PRKCA: variants seen among roughly 807,000 people sequenced by gnomAD.
PRKCA encodes the protein protein kinase C alpha.
Under a neutral mutation model 87.0 loss-of-function variants are expected in PRKCA, and 27 were observed. The ratio of observed to expected loss-of-function variants is 0.31; its 90% confidence interval spans 0.23 to 0.43. The LOEUF (loss-of-function observed/expected upper bound fraction) is 0.43, where lower values mean the gene tolerates loss of function less well. PRKCA is among the 20% of genes least tolerant of loss of function. PRKCA has a pLI of 1.00. For missense variants in PRKCA, 518 were observed against 852.3 expected, an observed-to-expected ratio of 0.61 and a Z score of 4.88; for synonymous variants, 329 against 311.1, an observed-to-expected ratio of 1.06 and a Z score of -0.61.
chr17:66,510,931 G>C (rs1917198757), intron 3 of PRKCA, among the ~76,000 whole-genome samples: 1 of 152,026 alleles, frequency 6.6e-6, no homozygotes, highest in Admixed American at 6.6e-5. Flanking sequence ...GTTTTTTGTA[G>C]AGACGGGATT....
At chr17:66,345,394 G>T (rs1338899519) in intron 2 of PRKCA, among the ~76,000 whole-genome samples, 3 of 152,094 alleles carry the variant, frequency 2.0e-5, no homozygotes, top group Non-Finnish European at 4.4e-5. Context: ...GTTTCCTCTG[G>T]AATCTTGCTT....
intron 16 of PRKCA, 78 bp downstream of exon 16, chr17:66,789,057 G>C: frequency 6.8e-7 from 1 of 1,481,076 alleles, no homozygotes; most frequent in Non-Finnish European, 9.0e-7. Flanking sequence ...CTCTTTTCTT[G>C]GAGAGAGGAG....
chr17:66,781,890 G>T (rs1214978796), intron 14 of PRKCA, among the ~76,000 whole-genome samples: 1 of 107,096 alleles, frequency 9.3e-6, no homozygotes, highest in Non-Finnish European at 1.8e-5. Context: ...TATATATAGT[G>T]TGTGTGTGTG....
intron 2 of PRKCA, among the ~76,000 whole-genome samples, chr17:66,426,104 T>G (rs1912789076): frequency 6.6e-6 from 1 of 152,016 alleles, no homozygotes; most frequent in South Asian, 2.1e-4. Context: ...ATGAGAAAAG[T>G]GTCATTATTT....
intron 2 of PRKCA, among the ~76,000 whole-genome samples, chr17:66,469,650 C>T (rs1396249653): frequency 1.3e-5 from 2 of 152,222 alleles, no homozygotes; most frequent in African/African-American, 4.8e-5. Flanking sequence ...TCCTCCCTAG[C>T]ACATTGCCTA....
chr17:66,437,257 T>G (rs1351137344), intron 2 of PRKCA, among the ~76,000 whole-genome samples: 3 of 152,094 alleles, frequency 2.0e-5, no homozygotes, highest in Non-Finnish European at 4.4e-5. Flanking sequence ...TGGGCAGATG[T>G]GTGCAGTGGT....
chr17:66,426,578 T>C (rs1336149248), intron 2 of PRKCA, among the ~76,000 whole-genome samples: 3 of 151,694 alleles, frequency 2.0e-5, no homozygotes, highest in Non-Finnish European at 4.4e-5. Context: ...CTGGCACCAG[T>C]ACTATCTACA....
chr17:66,327,165 G>C (rs1906028478), intron 2 of PRKCA, among the ~76,000 whole-genome samples: 2 of 151,970 alleles, frequency 1.3e-5, no homozygotes, highest in Non-Finnish European at 2.9e-5. Context: ...GGTCAGGAGA[G>C]ACCATCCTGG....
intron 13 of PRKCA, among the ~76,000 whole-genome samples, chr17:66,753,308 G>A (rs1200284822): frequency 6.6e-6 from 1 of 152,200 alleles, no homozygotes; most frequent in Non-Finnish European, 1.5e-5. Flanking sequence ...TCCCTTCCAG[G>A]GCCTCTTGCC....
At chr17:66,384,719 C>T (rs1011443475) in intron 2 of PRKCA, among the ~76,000 whole-genome samples, 1 of 152,104 alleles carries the variant, frequency 6.6e-6, no homozygotes, top group Non-Finnish European at 1.5e-5. Context: ...AGCTCCACCT[C>T]CCGTGTTTAT....
intron 2 of PRKCA, among the ~76,000 whole-genome samples, chr17:66,333,679 C>G (rs1341007029): frequency 6.6e-6 from 1 of 152,036 alleles, no homozygotes; most frequent in Non-Finnish European, 1.5e-5. Flanking sequence ...AAGTCCTGGC[C>G]TTTGCAGTTC....
At chr17:66,768,503 A>G (rs1196145050) in intron 13 of PRKCA, among the ~76,000 whole-genome samples, 1 of 152,150 alleles carries the variant, frequency 6.6e-6, no homozygotes, top group Non-Finnish European at 1.5e-5. Context: ...CCATTTTCAC[A>G]CTGCTATAAA....
intron 3 of PRKCA, among the ~76,000 whole-genome samples, chr17:66,574,732 A>G (rs1445652027): frequency 6.6e-6 from 1 of 152,100 alleles, no homozygotes; most frequent in African/African-American, 2.4e-5. Context: ...CAAAAAAAAA[A>G]AAAAAATCCT....
At chr17:66,405,935 G>GGTT (rs1241978014) in intron 2 of PRKCA, among the ~76,000 whole-genome samples, 1 of 152,064 alleles carries the variant, frequency 6.6e-6, no homozygotes, top group Non-Finnish European at 1.5e-5. Flanking sequence ...CAATTATTAT[G>GGTT]GTTGGTGTGG....
intron 13 of PRKCA, among the ~76,000 whole-genome samples, chr17:66,767,810 G>T (rs920280572): frequency 1.3e-5 from 2 of 152,140 alleles, no homozygotes; most frequent in African/African-American, 4.8e-5. Context: ...TAGTCATGTG[G>T]CTCCAAAGCA....
At chr17:66,584,787 G>A (rs1969542824) in intron 3 of PRKCA, among the ~76,000 whole-genome samples, 1 of 152,136 alleles carries the variant, frequency 6.6e-6, no homozygotes, top group Admixed American at 6.5e-5. Context: ...CCAGTCATTG[G>A]ACTTGAGGCC....
At chr17:66,550,106 G>A (rs926802203) in intron 3 of PRKCA, among the ~76,000 whole-genome samples, 2 of 152,058 alleles carry the variant, frequency 1.3e-5, no homozygotes, top group Non-Finnish European at 2.9e-5. Context: ...TCACACACAC[G>A]CAGACTTGCT....
chr17:66,616,044 C>T (rs1177261854), intron 3 of PRKCA, among the ~76,000 whole-genome samples: 1 of 152,180 alleles, frequency 6.6e-6, no homozygotes, highest in Non-Finnish European at 1.5e-5. Flanking sequence ...TGTTACTCGT[C>T]ACTACTCTGA....
rs149823924 is a variant in PRKCA at position 66,729,569 on chromosome 17, C to G, written c.919-3119C>G. Among the ~76,000 whole-genome samples, 3 of 152,244 alleles carry G rather than the reference C, an allele frequency of 2.0e-5. No individual in the cohort carries two copies. In the East Asian group the frequency reaches 5.8e-4, roughly 29 times the overall value. ...ATGTTTTATCTTTATGGGCCTTCTA[C>G]GTTTCCAGTGGCCCCAAATTCACAG... is the stretch of plus-strand genomic sequence containing the variant. On this transcript the variant is annotated intron_variant, in intron 8 of 16. Coordinates refer to ENST00000413366, the MANE Select transcript of PRKCA (RefSeq NM_002737.3).
Sources: allele counts gnomAD v4.1 joint callset (sites outside exome capture counted in the v4.1 genomes callset), GRCh38; gene constraint gnomAD v4.1.1; transcripts MANE v1.5; gene names NCBI Gene and HGNC (gene_info 2026-07-23, HGNC 2026-07-21).